PEX16: variants seen among roughly 807,000 people sequenced by gnomAD.
The protein encoded by PEX16 is peroxin 16.
Under a neutral mutation model 50.5 loss-of-function variants are expected in PEX16, and 37 were observed. That is an observed-to-expected ratio of 0.73 (90% confidence interval 0.56 to 0.96). The LOEUF is 0.96. Among genes scored for constraint, PEX16 ranks in the 40% least tolerant of loss-of-function variants. The probability of loss-of-function intolerance (pLI) is 0.00; values close to 1 mark genes in which losing one functional copy is unlikely to be tolerated. For synonymous variants in PEX16, 185 were observed against 190.3 expected, an observed-to-expected ratio of 0.97 and a Z score of 0.23; for missense variants, 401 against 438.3, an observed-to-expected ratio of 0.91 and a Z score of 0.76.
intron 9 of PEX16, among the ~76,000 whole-genome samples, chr11:45,912,342 C>T (rs954484058): frequency 6.6e-6 from 1 of 151,034 alleles, no homozygotes; most frequent in African/African-American, 2.4e-5. Context: ...ACTAAAAAAT[C>T]AAAAAAAATT....
chr11:45,917,388 C>A, intron 2 of PEX16, 70 bp downstream of exon 2: 1 of 1,473,732 alleles, frequency 6.8e-7, no homozygotes, highest in Non-Finnish European at 9.5e-7. Flanking sequence ...GGGGTGCTCA[C>A]CCTCTCTGGG....
At chr11:45,914,513 G>A (rs761929034) in intron 6 of PEX16, 45 bp from the exon 7 acceptor site, 1 of 1,610,940 alleles carries the variant, frequency 6.2e-7, no homozygotes, top group Non-Finnish European at 8.5e-7. Context: ...CCCAGGCTGG[G>A]GCAGGGGAAG....
rs2086854106 is a variant in PEX16, at chr11:45,917,758, G to A, written c.54C>T (p.His18=). Residue 18 remains histidine, a synonymous_variant, in exon 1 of 11, where the codon CAC becomes CAT. Coordinates refer to ENST00000378750, the MANE Select transcript of PEX16 (RefSeq NM_004813.4). ...TCTCCAGCTGGGCCGTGGCGGCCGGGTGACGAGTCACGTACTCCTGGTAGC... is the reference window on the plus strand; with the variant it reads ...TCTCCAGCTGGGCCGTGGCGGCCGGATGACGAGTCACGTACTCCTGGTAGC... ...GLRYQEYVTR[H]PAATAQLETA... The A allele has an allele frequency of 3.9e-6, 6 of 1,555,960 alleles. No homozygotes were observed. In the South Asian group the frequency reaches 7.1e-5, roughly 18 times the overall value.
intron 9 of PEX16, 119 bp downstream of exon 9, chr11:45,913,700 C>T (rs1345746151): frequency 5.0e-6 from 6 of 1,197,526 alleles, no homozygotes; most frequent in Non-Finnish European, 7.3e-6. Context: ...ACCCGGACAA[C>T]ACACAGTGCT....
chr11:45,910,205 A>C lies in PEX16; in HGVS notation c.*49T>G, dbSNP rs758830819. 1.2e-6 allele frequency: 2 copies of C among 1,612,958 alleles called. No homozygotes were observed. The highest frequency in any genetic ancestry group is 2.2e-5 in the East Asian group (1 of 44,870). On this transcript the variant is annotated 3_prime_UTR_variant, in exon 11 of 11. Coordinates refer to ENST00000378750, the MANE Select transcript of PEX16 (RefSeq NM_004813.4). ...GCCGGAGTCAGTTTTATTAGGGAAG[A>C]GGGGCTCCCTGCCCCACCCCTCCCC...
chr11:45,916,697 T>C lies in PEX16; in HGVS notation c.149-394A>G, dbSNP rs537357192. On this transcript the variant is annotated intron_variant, in intron 2 of 10. Transcript: ENST00000378750. ...ACTTTTCTTTTTTCTGAGTCGGAGTTTCACTCTTGTTGCCCAGGCTGGAGT... is the reference window on the plus strand; with the variant it reads ...ACTTTTCTTTTTTCTGAGTCGGAGTCTCACTCTTGTTGCCCAGGCTGGAGT... Among the ~76,000 whole-genome samples, 5 of 152,332 alleles carry C rather than the reference T, an allele frequency of 3.3e-5. 1 individual carries two copies. The highest frequency in any genetic ancestry group is 1.2e-4 in the African/African-American group (5 of 41,570).
At position 45,914,619 on chromosome 11, in the gene PEX16, G is replaced by A. The variant is rs61752117; in HGVS notation, c.526C>T (p.Arg176Ter). Residue 176 changes from arginine to a stop codon, truncating the protein, a stop_gained, in exon 6 of 11, where the codon CGA becomes TGA. Transcript: ENST00000378750. LOFTEE classifies it high-confidence loss of function. ...YVGKRSNRVV[R>*]TLQNTPSLHS... is the part of the protein sequence containing the mutation. ...CTCCACTTACTGTTCTGGAGGGTTC[G>A]CACCACCCGGTTTGACCGCTTCCCC... The A allele has an allele frequency of 6.2e-6, 10 of 1,614,024 alleles. No individual in the cohort carries two copies. The highest frequency in any genetic ancestry group is 1.6e-4 in the Middle Eastern group (1 of 6,084).
At position 45,913,938 on chromosome 11, in the gene PEX16, G is replaced by A. The variant is rs1173649955; in HGVS notation, c.768C>T (p.Ser256=). The A allele has an allele frequency of 3.3e-5, 54 of 1,612,290 alleles. No homozygotes were observed. Among genetic ancestry groups the A allele is most frequent in the Non-Finnish European group, 4.4e-5 (52 of 1,179,982 alleles). ...WLLAGVVDVT[S]LSLLSDRKGL... is the part of the protein sequence containing the mutation. ...CCTTTCTGTCACTCAGGAGGCTCAG[G>A]CTGGGAGGCAGGGAGGACATGGTCA... Residue 256 remains serine, a splice_region_variant and synonymous_variant, in exon 9 of 11, where the codon AGC becomes AGT. Transcript: ENST00000378750.
chr11:45,918,254 G>A (rs761078747), upstream of PEX16: 4 of 271,740 alleles, frequency 1.5e-5, no homozygotes, highest in Non-Finnish European at 2.9e-5. Flanking sequence ...TCGAACGGCA[G>A]GGCCGGATTT....
Position 45,914,092 on chromosome 11 carries a change from C to T in PEX16, c.767+39G>A, listed in dbSNP as rs747110531. On this transcript the variant is annotated intron_variant, in intron 8 of 10. Coordinates refer to ENST00000378750, the MANE Select transcript of PEX16 (RefSeq NM_004813.4). ...GTGAGGCCAGGATTATAGCAGAAAG[C>T]CCAGTGGAGAGTGAAGCCCCAGGCA... The T allele has an allele frequency of 3.8e-6, 6 of 1,578,876 alleles. No individual in the cohort carries two copies. The South Asian group carries it at 6.8e-5, about 18-fold the overall frequency.
rs367750007 is a variant in PEX16 at position 45,915,062 on chromosome 11, G to A, written c.461-378C>T. Among the ~76,000 whole-genome samples the A allele has an allele frequency of 3.0e-4, 46 of 152,370 alleles. 1 individual carries two copies. In the South Asian group the frequency reaches 5.6e-3, roughly 19 times the overall value. ...ACAATCATGATGAGAGGCAATGAAC[G>A]GCCCCAACTCAATGTCCAGAGAGTG... On this transcript the variant is annotated intron_variant, in intron 5 of 10. Coordinates refer to ENST00000378750, the MANE Select transcript of PEX16 (RefSeq NM_004813.4).
Position 45,915,457 on chromosome 11 carries a change from A to C in PEX16, c.460+11T>G, listed in dbSNP as rs1444552786. 1.9e-6 allele frequency: 3 copies of C among 1,609,078 alleles called. No homozygotes were observed. The highest frequency in any genetic ancestry group is 2.6e-6 in the Non-Finnish European group (3 of 1,175,598). ...GCCCATTCCGCTCCAGGGCTTGGGG[A>C]AGTAGCTCACCCGGGGGCTGTGCCT... On this transcript the variant is annotated intron_variant, in intron 5 of 10. Coordinates refer to ENST00000378750, the MANE Select transcript of PEX16 (RefSeq NM_004813.4).
intron 6 of PEX16, 35 bp downstream of exon 6, chr11:45,914,569 C>T (rs2086813826): frequency 2.5e-6 from 4 of 1,612,996 alleles, no homozygotes; most frequent in Non-Finnish European, 3.4e-6. Context: ...GCAGACAGCA[C>T]CTAGGTGCCC....
Position 45,911,016 on chromosome 11 carries a change from G to A in PEX16, c.888-54C>T, listed in dbSNP as rs1028638487. 5 of 1,288,522 alleles carry A rather than the reference G, an allele frequency of 3.9e-6. No individual in the cohort carries two copies. The African/African-American group carries it at 4.4e-5, about 11-fold the overall frequency. The allele number at this position is 1,288,522 out of a possible 1,614,324, so 79.8% of individuals were successfully genotyped here. A position where few individuals can be genotyped will look rare whatever the true frequency, so the allele number is the denominator to read the frequency against. ...CTGAGTGGGGTGGGGGTGGGTCCCT[G>A]CAAACCAGGAGGCCCAGAGGCCTTC... On this transcript the variant is annotated intron_variant, in intron 9 of 10. Transcript: ENST00000378750.
Position 45,917,842 on chromosome 11 carries a change from G to T in PEX16, c.-31C>A. 1.4e-6 allele frequency: 2 copies of T among 1,460,302 alleles called. No individual in the cohort carries two copies. Among genetic ancestry groups the T allele is most frequent in the Non-Finnish European group, 9.3e-7 (1 of 1,077,004 alleles). The allele number at this position is 1,460,302 out of a possible 1,614,324, so 90.5% of individuals were successfully genotyped here. On this transcript the variant is annotated 5_prime_UTR_variant, in exon 1 of 11. Transcript: ENST00000378750. ...CCTCGGCACCGACAGACCCACAGAA[G>T]GACCGTACGACAGGCTGCGGCGCCC...
At position 45,915,777 on chromosome 11, in the gene PEX16, G is replaced by A; in HGVS notation, c.285C>T (p.Phe95=). 1 of 1,613,800 alleles carries A rather than the reference G, an allele frequency of 6.2e-7. No homozygotes were observed. Among genetic ancestry groups the A allele is most frequent in the Non-Finnish European group, 8.5e-7 (1 of 1,179,894 alleles). Residue 95 remains phenylalanine, a synonymous_variant, in exon 4 of 11, where the codon TTC becomes TTT. Transcript: ENST00000378750. ...WLSVLECVEV[F]MEMGAAKVWG... is the part of the protein sequence containing the mutation. ...ACACCTTGGCAGCTCCCATCTCCAT[G>A]AACACCTCCACGCACTCCAGCACGC...
chr11:45,917,570 C>T (rs2086850644), intron 1 of PEX16, 77 bp from the exon 2 acceptor site: 2 of 1,573,172 alleles, frequency 1.3e-6, no homozygotes, highest in Admixed American at 1.8e-5. Context: ...AAATCCCCTC[C>T]CTACGCCCTT....
At chr11:45,913,662 G>A (rs765886315) in intron 9 of PEX16, among the ~76,000 whole-genome samples, 157 bp downstream of exon 9, 3 of 152,192 alleles carry the variant, frequency 2.0e-5, no homozygotes, top group Non-Finnish European at 4.4e-5. Flanking sequence ...CTCTGCGGGC[G>A]GGACTGGGCT....
chr11:45,910,226 T>TC lies in PEX16; in HGVS notation c.*27dup, dbSNP rs2086761831. On this transcript the variant is annotated 3_prime_UTR_variant, in exon 11 of 11. Coordinates refer to ENST00000378750, the MANE Select transcript of PEX16 (RefSeq NM_004813.4). ...GAAGAGGGGCTCCCTGCCCCACCCCTCCCCACACCCTCCTTCCGGGAGGTC... is the reference window on the plus strand; with the variant it reads ...GAAGAGGGGCTCCCTGCCCCACCCCTCCCCCACACCCTCCTTCCGGGAGGTC... 9.1e-7 allele frequency: 1 copy of TC among 1,096,502 alleles called. No individual in the cohort carries two copies. The highest frequency in any genetic ancestry group is 1.6e-5 in the African/African-American group (1 of 62,598). 67.9% of individuals were successfully genotyped at this position (1,096,502 alleles called of 1,614,324 possible).
Sources: gnomAD v4.1 joint callset for allele counts (sites outside exome capture counted in the v4.1 genomes callset) on GRCh38, gnomAD v4.1.1 for gene constraint, MANE v1.5 for transcripts, NCBI Gene and HGNC (gene_info 2026-07-23, HGNC 2026-07-21) for gene names.